The following CACNA1C variants were observed in gnomAD, a reference collection of about 807,000 sequenced individuals.
The protein encoded by CACNA1C is calcium voltage-gated channel subunit alpha1 C.
CACNA1C carries 30 observed loss-of-function variants against 229.0 expected under a neutral mutation model. The ratio of observed to expected loss-of-function variants is 0.13; its 90% CI spans 0.10 to 0.18. CACNA1C has a LOEUF of 0.18. CACNA1C is among the 10% of genes least tolerant of loss of function. The probability of loss-of-function intolerance (pLI) is 1.00; values close to 1 mark genes in which losing one functional copy is unlikely to be tolerated. For missense variants in CACNA1C, 1,658 were observed against 2,845.0 expected, an observed-to-expected ratio of 0.58 and a Z score of 9.49; for synonymous variants, 1,114 against 1,132.5, an observed-to-expected ratio of 0.98 and a Z score of 0.33.
At chr12:2,012,660 G>C (rs2044649734) in intron 1 of CACNA1C, among the ~76,000 whole-genome samples, 1 of 152,152 alleles carries the variant, frequency 6.6e-6, no homozygotes, top group Non-Finnish European at 1.5e-5. Flanking sequence ...TCTAGTTGAG[G>C]AGACAAAGAC....
rs926945814 is a variant in CACNA1C at position 2,135,698 on chromosome 12, T to A, written c.477+15268T>A. On this transcript the variant is annotated intron_variant, in intron 3 of 46. Coordinates refer to ENST00000399655, the MANE Select transcript of CACNA1C (RefSeq NM_000719.7). Reference sequence around the variant, plus strand: ...TCCAGCCGCGTGCTGGGAGAACCACTGCTCTCTTCAAAGCTGTCAGACAGG... The same window carrying A: ...TCCAGCCGCGTGCTGGGAGAACCACAGCTCTCTTCAAAGCTGTCAGACAGG... Among the ~76,000 whole-genome samples, 7 of 145,724 alleles carry A rather than the reference T, an allele frequency of 4.8e-5. No individual in the cohort carries two copies. In the South Asian group the frequency reaches 1.3e-3, roughly 27 times the overall value.
intron 6 of CACNA1C, among the ~76,000 whole-genome samples, chr12:2,492,317 A>T (rs186152358): frequency 5.3e-5 from 8 of 152,348 alleles, no homozygotes; most frequent in Admixed American, 2.0e-4. Context: ...TGCTGCATTT[A>T]GCCACAGACA....
At chr12:2,536,536 A>G (rs1345876652) in intron 9 of CACNA1C, among the ~76,000 whole-genome samples, 3 of 152,162 alleles carry the variant, frequency 2.0e-5, no homozygotes, top group Non-Finnish European at 2.9e-5. Flanking sequence ...CACCTATACA[A>G]TGAAGGGCTA....
chr12:2,239,883 G>C (rs1325921057), intron 3 of CACNA1C, among the ~76,000 whole-genome samples: 2 of 152,250 alleles, frequency 1.3e-5, no homozygotes, highest in African/African-American at 2.4e-5. Flanking sequence ...CCACGTGATG[G>C]CCAGGGGAGT....
chr12:2,529,408 TG>T (rs2099835583), intron 9 of CACNA1C, among the ~76,000 whole-genome samples: 1 of 152,252 alleles, frequency 6.6e-6, no homozygotes, highest in Non-Finnish European at 1.5e-5. Flanking sequence ...TACCGTCTGC[TG>T]GGTAGTACAT....
intron 1 of CACNA1C, among the ~76,000 whole-genome samples, chr12:2,033,169 G>C (rs1460908633): frequency 6.6e-6 from 1 of 152,128 alleles, no homozygotes; most frequent in Non-Finnish European, 1.5e-5. Flanking sequence ...TCCATTCCTT[G>C]ACGTACAAGG....
In CACNA1C at chr12:2,275,477, C is replaced by T. The variant is rs1156486696; in HGVS notation, c.477+155047C>T. Among the ~76,000 whole-genome samples the T allele has an allele frequency of 2.6e-5, 4 of 152,142 alleles. No homozygotes were observed. Among genetic ancestry groups the T allele is most frequent in the Non-Finnish European group, 5.9e-5 (4 of 68,026 alleles). Reference sequence around the variant, plus strand: ...CATGTGACCTAGCTCTCTCCTGGCCCCCTGTTCCATCCCACATGCAGCCTC... The same window carrying T: ...CATGTGACCTAGCTCTCTCCTGGCCTCCTGTTCCATCCCACATGCAGCCTC... On this transcript the variant is annotated intron_variant, in intron 3 of 46. Coordinates refer to ENST00000399655, the MANE Select transcript of CACNA1C (RefSeq NM_000719.7). The surrounding 1 kb of genome is among the most constrained non-coding windows in gnomAD (Gnocchi z 4.1).
At chr12:2,062,405 A>T (rs570218502) in intron 1 of CACNA1C, among the ~76,000 whole-genome samples, 13 of 152,336 alleles carry the variant, frequency 8.5e-5, no homozygotes, top group Admixed American at 7.8e-4. Flanking sequence ...TGGGGCTGGG[A>T]ATTAAATTCA....
rs770468611 is a variant in CACNA1C at position 2,665,729 on chromosome 12, C to A, written c.4526+21C>A. 1 of 1,607,186 alleles carries A rather than the reference C, an allele frequency of 6.2e-7. No homozygotes were observed. The highest frequency in any genetic ancestry group is 2.2e-5 in the East Asian group (1 of 44,644). ...GCCAAGTAAGTTCCCAGAGGGAAAT[C>A]CTGATTCCCCAAGCTGAGAGAGGGT... On this transcript the variant is annotated intron_variant, in intron 36 of 46. Coordinates refer to ENST00000399655, the MANE Select transcript of CACNA1C (RefSeq NM_000719.7). This position sits in a 1 kb window ranked among gnomAD's most constrained non-coding sequence, Gnocchi z 5.9.
Position 2,392,983 on chromosome 12 carries a change from C to T in CACNA1C, c.478-55993C>T, listed in dbSNP as rs937914099. Among the ~76,000 whole-genome samples the T allele has an allele frequency of 5.9e-5, 9 of 152,166 alleles. 1 individual carries two copies. The highest frequency in any genetic ancestry group is 2.2e-4 in the African/African-American group (9 of 41,432). On this transcript the variant is annotated intron_variant, in intron 3 of 46. Coordinates refer to ENST00000399655, the MANE Select transcript of CACNA1C (RefSeq NM_000719.7). The stretch of plus-strand genomic sequence containing the variant: ...CTTACCTTGTGTAGACTGTTGACTA[C>T]TGTTAACCCTCTAGTATTAGCACAG...
intron 3 of CACNA1C, among the ~76,000 whole-genome samples, chr12:2,213,383 G>A (rs1054842901): frequency 6.6e-6 from 1 of 152,170 alleles, no homozygotes; most frequent in African/African-American, 2.4e-5. Context: ...CCCTTGGAGA[G>A]GTGACCTTCC....
At chr12:2,390,256 G>A (rs2098460337) in intron 3 of CACNA1C, among the ~76,000 whole-genome samples, 2 of 152,194 alleles carry the variant, frequency 1.3e-5, no homozygotes, top group Admixed American at 6.5e-5. Flanking sequence ...GGGAACCCAG[G>A]TATGATCTTT....
At chr12:2,495,031 G>A (rs73250490) in intron 7 of CACNA1C, among the ~76,000 whole-genome samples, 2,865 of 152,276 alleles carry the variant, frequency 0.019, 92 homozygotes, top group African/African-American at 0.065. Context: ...GACCCATGCC[G>A]CGGCAAAGCT....
chr12:2,095,583 C>T lies in CACNA1C; in HGVS notation c.50-19641C>T, dbSNP rs574314410. On this transcript the variant is annotated intron_variant, in intron 1 of 46. Transcript: ENST00000399655. ...GGCAGCACTGTAAGTGCCCTCGGCCCGAGTCAGGCCATCCAGTGTTTCGCC... is the reference window on the plus strand; with the variant it reads ...GGCAGCACTGTAAGTGCCCTCGGCCTGAGTCAGGCCATCCAGTGTTTCGCC... Among the ~76,000 whole-genome samples the T allele has an allele frequency of 7.2e-5, 11 of 152,284 alleles. No individual in the cohort carries two copies. The South Asian group carries it at 1.2e-3, about 17-fold the overall frequency.
intron 3 of CACNA1C, among the ~76,000 whole-genome samples, chr12:2,416,289 C>T (rs2098898509): frequency 6.6e-6 from 1 of 151,974 alleles, no homozygotes; most frequent in African/African-American, 2.4e-5. Context: ...TTTCGTGGGC[C>T]TGGAAAGTAT....
Position 2,357,664 on chromosome 12 carries a change from TA to T in CACNA1C, c.478-91294del, listed in dbSNP as rs550833961. On this transcript the variant is annotated intron_variant, in intron 3 of 46. Transcript: ENST00000399655. The stretch of plus-strand genomic sequence containing the variant: ...TTTATTTGTTTGGGTTTTTTTTCCT[TA>T]AAAAAAAAAAAAAAAAAGGAATCGG... Among the ~76,000 whole-genome samples the T allele has an allele frequency of 5.0e-3, 654 of 129,900 alleles. 3 individuals are homozygous for T. Among genetic ancestry groups the T allele is most frequent in the Non-Finnish European group, 6.1e-3 (375 of 61,212 alleles). 85.2% of individuals were successfully genotyped at this position (129,900 alleles called of 152,430 possible). A position where few individuals can be genotyped will look rare whatever the true frequency, so the allele number is the denominator to read the frequency against.
chr12:2,045,209 C>G (rs1012164377), intron 1 of CACNA1C, among the ~76,000 whole-genome samples: 1 of 152,084 alleles, frequency 6.6e-6, no homozygotes, highest in African/African-American at 2.4e-5. Flanking sequence ...AGAATGCATT[C>G]ACAGAAGGGT....
At chr12:2,391,253 C>T (rs927569704) in intron 3 of CACNA1C, among the ~76,000 whole-genome samples, 1 of 152,226 alleles carries the variant, frequency 6.6e-6, no homozygotes, top group South Asian at 2.1e-4. Flanking sequence ...CACACGGACA[C>T]GTCCATTAGG....
Position 2,636,607 on chromosome 12 carries a change from A to G in CACNA1C, c.3912+2227A>G, listed in dbSNP as rs114076211. On this transcript the variant is annotated intron_variant, in intron 30 of 46. Transcript: ENST00000399655. ...TGCTAAAGGTGATGATGGAGAGATT[A>G]AGTACCTTTCCAGTGCCTCAGAGTC... is the stretch of plus-strand genomic sequence containing the variant. 5.5e-3 allele frequency among the ~76,000 whole-genome samples: 840 copies of G among 152,290 alleles called. 8 individuals carry two copies. Among genetic ancestry groups the G allele is most frequent in the African/African-American group, 0.019 (787 of 41,548 alleles).
Sources: gnomAD v4.1 joint callset for allele counts (sites outside exome capture counted in the v4.1 genomes callset) on GRCh38, gnomAD v4.1.1 for gene constraint, Gnocchi (gnomAD v3.1) non-coding constraint, MANE v1.5 for transcripts, NCBI Gene and HGNC (gene_info 2026-07-23, HGNC 2026-07-21) for gene names.